Variants in NAV2 observed in about 807,000 individuals in gnomAD.
The protein encoded by NAV2 is helicase, APC down-regulated 1.
Under a neutral mutation model 223.2 loss-of-function variants are expected in NAV2, and 54 were observed. That is an observed-to-expected ratio of 0.24 (90% CI 0.19 to 0.30). NAV2 has a LOEUF of 0.30. Among genes scored for constraint, NAV2 ranks in the 10% least tolerant of loss-of-function variants. The pLI is 1.00. For synonymous variants in NAV2, 1,279 were observed against 1,239.3 expected (o/e 1.03, Z -0.67); for missense variants, 2,806 against 3,147.5 (o/e 0.89, Z 2.60).
At chr11:20,043,852 C>A in intron 12 of NAV2, 129 bp from the exon 13 acceptor site, 2 of 811,086 alleles carry the variant, frequency 2.5e-6, no homozygotes, top group South Asian at 1.9e-5. Flanking sequence ...TACAAAAGTC[C>A]AAACATCTTT....
intron 3 of NAV2, among the ~76,000 whole-genome samples, chr11:19,855,304 T>C (rs2061355227): frequency 6.6e-6 from 1 of 152,170 alleles, no homozygotes; most frequent in Admixed American, 6.5e-5. Flanking sequence ...AAACTGAAGC[T>C]TAGGGAAATT....
chr11:19,501,704 T>C (rs1172884548), intron 1 of NAV2, among the ~76,000 whole-genome samples: 2 of 151,872 alleles, frequency 1.3e-5, no homozygotes, highest in Non-Finnish European at 2.9e-5. Context: ...GTAAAGATAC[T>C]AGATACTGTA....
chr11:19,845,932 C>G lies in NAV2; in HGVS notation c.438+3009C>G, dbSNP rs1013585900. ...TAGGCCAAGCTGAATACACAGGTGA[C>G]CAAGATGTGATCCCTGCCCTCAAAG... On this transcript the variant is annotated intron_variant, in intron 3 of 37. Transcript: ENST00000349880. 3.9e-5 allele frequency among the ~76,000 whole-genome samples: 6 copies of G among 152,146 alleles called. No homozygotes were observed. The South Asian group carries it at 8.3e-4, about 21-fold the overall frequency.
At position 19,610,806 on chromosome 11, in the gene NAV2, G is replaced by GTGGA. The variant is rs549517462; in HGVS notation, c.76-221657_76-221654dup. 3.8e-3 allele frequency among the ~76,000 whole-genome samples: 579 copies of GTGGA among 151,866 alleles called. 7 individuals carry two copies. Among genetic ancestry groups the GTGGA allele is most frequent in the African/African-American group, 0.013 (547 of 41,412 alleles). On this transcript the variant is annotated intron_variant, in intron 1 of 37. Transcript: ENST00000360655. ...GACAGATGGATGGATGGATGGGGCA[G>GTGGA]TGGATGGATGGATGGATGGATGGAG...
intron 22 of NAV2, among the ~76,000 whole-genome samples, chr11:20,068,640 T>C (rs1591963626): frequency 6.6e-6 from 1 of 152,320 alleles, no homozygotes; most frequent in South Asian, 2.1e-4. Flanking sequence ...AGTATTTACA[T>C]CTCAGTATTG....
chr11:19,443,932 GTTA>G (rs1425070930), intron 1 of NAV2, among the ~76,000 whole-genome samples: 3 of 151,992 alleles, frequency 2.0e-5, no homozygotes, highest in African/African-American at 7.3e-5. Flanking sequence ...TATTATTATC[GTTA>G]TTATTATTTT....
intron 1 of NAV2, among the ~76,000 whole-genome samples, chr11:19,684,739 C>T (rs963907013): frequency 1.3e-5 from 2 of 152,146 alleles, no homozygotes; most frequent in African/African-American, 4.8e-5. Context: ...TCCTGAGTCT[C>T]ATCATATTTC....
intron 1 of NAV2, among the ~76,000 whole-genome samples, chr11:19,583,438 G>A (rs1314324847): frequency 1.3e-5 from 2 of 152,154 alleles, no homozygotes; most frequent in Non-Finnish European, 2.9e-5. Flanking sequence ...GTGAGAGAGG[G>A]CATCCCTGTC....
intron 12 of NAV2, among the ~76,000 whole-genome samples, chr11:20,040,810 T>C (rs1258968357): frequency 6.6e-6 from 1 of 152,170 alleles, no homozygotes. Context: ...GGATGTCCTG[T>C]TGGCTGGTTC....
Position 19,913,826 on chromosome 11 carries a change from C to CT in NAV2, c.932-19343dup, listed in dbSNP as rs761953552. Among the ~76,000 whole-genome samples, 7 of 152,290 alleles carry CT rather than the reference C, an allele frequency of 4.6e-5. No homozygotes were observed. In the East Asian group the frequency reaches 9.7e-4, roughly 21 times the overall value. Reference sequence around the variant, plus strand: ...TGATGGATGGTGACTAGCTCTACGCCTTTTTTTAACCCTGTGCCTACCTTA... The same window carrying CT: ...TGATGGATGGTGACTAGCTCTACGCCTTTTTTTTAACCCTGTGCCTACCTTA... On this transcript the variant is annotated intron_variant, in intron 6 of 37. Transcript: ENST00000349880.
intron 6 of NAV2, among the ~76,000 whole-genome samples, chr11:19,929,466 G>A (rs750019785): frequency 3.9e-5 from 6 of 152,038 alleles, no homozygotes; most frequent in Non-Finnish European, 7.4e-5. Context: ...GTCCTCAGAT[G>A]CCCTAGTGCC....
At chr11:19,502,052 C>T (rs555449090) in intron 1 of NAV2, among the ~76,000 whole-genome samples, 22 of 152,268 alleles carry the variant, frequency 1.4e-4, no homozygotes, top group African/African-American at 4.6e-4. Context: ...GGAAGCCATA[C>T]GAGGCACTGA....
intron 1 of NAV2, among the ~76,000 whole-genome samples, chr11:19,520,334 T>C (rs557712428): frequency 6.6e-6 from 1 of 152,318 alleles, no homozygotes; most frequent in South Asian, 2.1e-4. Context: ...TGCTGAAAAC[T>C]AGAAAAGTAT....
Position 19,747,673 on chromosome 11 carries a change from G to T in NAV2, c.267+33711G>T, listed in dbSNP as rs575744663. Among the ~76,000 whole-genome samples the T allele has an allele frequency of 2.6e-4, 40 of 152,166 alleles. No individual in the cohort carries two copies. In the South Asian group the frequency reaches 7.5e-3, roughly 28 times the overall value. ...CAAATCTGCTTTTGTCCCATTCCTG[G>T]CGTCCTCTGCTCCCCCTGACTATCT... On this transcript the variant is annotated intron_variant, in intron 1 of 37. Transcript: ENST00000349880.
chr11:19,905,909 T>C (rs1161359460), intron 6 of NAV2, among the ~76,000 whole-genome samples: 2 of 152,158 alleles, frequency 1.3e-5, no homozygotes, highest in Non-Finnish European at 2.9e-5. Context: ...GAGCGAACCT[T>C]TTTTTGGACC....
At chr11:19,604,500 G>A (rs888328295) in intron 1 of NAV2, among the ~76,000 whole-genome samples, 1 of 152,172 alleles carries the variant, frequency 6.6e-6, no homozygotes, top group Admixed American at 6.5e-5. Flanking sequence ...GGACTGGGCT[G>A]GAGCAGCTAG....
intron 1 of NAV2, among the ~76,000 whole-genome samples, chr11:19,608,168 G>A (rs1374063733): frequency 6.6e-6 from 1 of 152,176 alleles, no homozygotes; most frequent in South Asian, 2.1e-4. Context: ...CAAATGAGAG[G>A]CTTGGGGACT....
chr11:19,772,775 G>A (rs1017379394), intron 1 of NAV2, among the ~76,000 whole-genome samples: 3 of 152,184 alleles, frequency 2.0e-5, no homozygotes, highest in African/African-American at 7.2e-5. Context: ...GAGCAGTCTA[G>A]AGAGCCTACT....
At chr11:20,031,735 TG>T (rs1402265249) in intron 11 of NAV2, among the ~76,000 whole-genome samples, 2 of 52,214 alleles carry the variant, frequency 3.8e-5, no homozygotes, top group African/African-American at 3.3e-4. Flanking sequence ...ATTTTCGCTT[TG>T]TGTGTGTGTG....
Sources: allele counts gnomAD v4.1 joint callset (sites outside exome capture counted in the v4.1 genomes callset), GRCh38; gene constraint gnomAD v4.1.1; transcripts MANE v1.5; gene names NCBI Gene and HGNC (gene_info 2026-07-23, HGNC 2026-07-21).